Variants in CRACR2A observed in about 807,000 individuals in gnomAD.
CRACR2A encodes EF-hand calcium-binding domain-containing protein 4B.
A neutral mutation model predicts 90.5 loss-of-function variants in CRACR2A; 79 were observed. That is an observed-to-expected ratio of 0.87 (90% confidence interval 0.73 to 1.05). The LOEUF (loss-of-function observed/expected upper bound fraction) is 1.05. Ranked by LOEUF, CRACR2A falls within the 50% of genes least tolerant of loss-of-function variation. CRACR2A has a pLI of 0.00. For missense variants in CRACR2A, 823 were observed against 897.2 expected (o/e 0.92, Z 1.06); for synonymous variants, 338 against 356.7 (o/e 0.95, Z 0.59).
chr12:3,619,391 T>C lies in CRACR2A; in HGVS notation c.1933-19A>G, dbSNP rs1413061942. On this transcript the variant is annotated intron_variant, in intron 17 of 19. Coordinates refer to ENST00000440314, the MANE Select transcript of CRACR2A (RefSeq NM_001144958.2). Reference sequence around the variant, plus strand: ...CAGCTTCCTGCAGAACAGAAAATGTTTTCAACTGAGAGGGGTGTCATAGGA... The same window carrying C: ...CAGCTTCCTGCAGAACAGAAAATGTCTTCAACTGAGAGGGGTGTCATAGGA... 1.3e-6 allele frequency: 2 copies of C among 1,545,748 alleles called. No homozygotes were observed. The highest frequency in any genetic ancestry group is 2.0e-5 in the Admixed American group (1 of 50,978).
chr12:3,732,304 AT>A (rs1946372165), intron 2 of CRACR2A: 1 of 152,210 alleles, frequency 6.6e-6, no homozygotes, highest in African/African-American at 2.4e-5. Context: ...TGACAATCTG[AT>A]TGAAGATTCA....
chr12:3,617,124 C>A (rs1055349514), intron 18 of CRACR2A, 94 bp from the exon 19 acceptor site: 10 of 875,142 alleles, frequency 1.1e-5, no homozygotes, highest in Non-Finnish European at 1.7e-5. Context: ...CTACCTACAG[C>A]CTTCACTTCC....
chr12:3,642,340 C>T (rs1012455991), intron 12 of CRACR2A, among the ~76,000 whole-genome samples: 5 of 152,088 alleles, frequency 3.3e-5, no homozygotes, highest in African/African-American at 1.2e-4. Context: ...CCTCAGCCTC[C>T]TGGGTAGCTA....
At chr12:3,683,735 T>A (rs1005727953) in intron 4 of CRACR2A, among the ~76,000 whole-genome samples, 1 of 152,256 alleles carries the variant, frequency 6.6e-6, no homozygotes, top group Non-Finnish European at 1.5e-5. Context: ...CGTTAGGCAC[T>A]GTTGTGTCCC....
intron 19 of CRACR2A, among the ~76,000 whole-genome samples, chr12:3,616,015 T>C (rs1254727277): frequency 3.3e-5 from 5 of 152,230 alleles, no homozygotes; most frequent in African/African-American, 1.2e-4. Context: ...TTCCAAACGC[T>C]TTTGCGTTAC....
intron 4 of CRACR2A, among the ~76,000 whole-genome samples, chr12:3,680,672 T>C (rs535893664): frequency 6.6e-6 from 1 of 152,384 alleles, no homozygotes; most frequent in East Asian, 1.9e-4. Flanking sequence ...CTATTATCTC[T>C]GTTTTACAGA....
chr12:3,714,857 T>A (rs1302054408), intron 2 of CRACR2A, among the ~76,000 whole-genome samples: 1 of 152,182 alleles, frequency 6.6e-6, no homozygotes, highest in African/African-American at 2.4e-5. Context: ...CAAAAACATC[T>A]CCTTCAACCC....
chr12:3,693,785 C>A (rs1945692662), intron 4 of CRACR2A, among the ~76,000 whole-genome samples: 3 of 152,100 alleles, frequency 2.0e-5, no homozygotes, highest in South Asian at 2.1e-4. Context: ...TATTATGTGT[C>A]TTGAGGATGA....
At chr12:3,741,307 C>T (rs2005844) in intron 1 of CRACR2A, among the ~76,000 whole-genome samples, 41,557 of 151,992 alleles carry the variant, frequency 0.27, 6,474 homozygotes, top group Middle Eastern at 0.43. Context: ...TATGGGGCAC[C>T]GGCTGAGCCT....
At chr12:3,738,749 C>T (rs911079791) in intron 1 of CRACR2A, among the ~76,000 whole-genome samples, 1 of 152,056 alleles carries the variant, frequency 6.6e-6, no homozygotes, top group Admixed American at 6.5e-5. Context: ...GATACCAAGA[C>T]ACATATTCAA....
chr12:3,662,593 G>A (rs1284308971), intron 7 of CRACR2A, among the ~76,000 whole-genome samples: 1 of 152,226 alleles, frequency 6.6e-6, no homozygotes, highest in Non-Finnish European at 1.5e-5. Flanking sequence ...CTCCCCAGGG[G>A]GAAGAGAGTC....
Position 3,711,022 on chromosome 12 carries a change from C to T in CRACR2A, c.-37+2215G>A, listed in dbSNP as rs1175591232. ...GTCCTTCTCACATGCAAAATACACTCGTTCCATTCCAACAGCCTCAAAAGT... is the reference window on the plus strand; with the variant it reads ...GTCCTTCTCACATGCAAAATACACTTGTTCCATTCCAACAGCCTCAAAAGT... On this transcript the variant is annotated intron_variant, in intron 3 of 19. Coordinates refer to ENST00000440314, the MANE Select transcript of CRACR2A (RefSeq NM_001144958.2). The surrounding 1 kb of genome is among the most constrained non-coding windows in gnomAD (Gnocchi z 4.3). Among the ~76,000 whole-genome samples the T allele has an allele frequency of 6.6e-6, 1 of 152,290 alleles. No individual in the cohort carries two copies. Among genetic ancestry groups the T allele is most frequent in the South Asian group, 2.1e-4 (1 of 4,832 alleles).
chr12:3,713,131 A>T (rs573248121), intron 3 of CRACR2A, 106 bp downstream of exon 3: 13 of 398,688 alleles, frequency 3.3e-5, no homozygotes, highest in African/African-American at 2.4e-4. Context: ...CATGAATATT[A>T]AAAAACAGCT....
chr12:3,674,365 A>G (rs943009682), intron 6 of CRACR2A, among the ~76,000 whole-genome samples: 4 of 152,194 alleles, frequency 2.6e-5, no homozygotes, highest in Non-Finnish European at 5.9e-5. Flanking sequence ...GCACGTGTGT[A>G]CACAGCTCAG....
chr12:3,666,797 A>G (rs986348937), intron 7 of CRACR2A, among the ~76,000 whole-genome samples: 1 of 152,202 alleles, frequency 6.6e-6, no homozygotes, highest in African/African-American at 2.4e-5. Flanking sequence ...TTTTAAATAA[A>G]ATCTGTTGGG....
chr12:3,746,720 G>A lies in CRACR2A; in HGVS notation c.-387+6295C>T, dbSNP rs1946633267. 6.6e-6 allele frequency among the ~76,000 whole-genome samples: 1 copy of A among 152,214 alleles called. No individual in the cohort carries two copies. The highest frequency in any genetic ancestry group is 6.5e-5 in the Admixed American group (1 of 15,292). On this transcript the variant is annotated intron_variant, in intron 1 of 19. Transcript: ENST00000440314. This position sits in a 1 kb window ranked among gnomAD's most constrained non-coding sequence, Gnocchi z 4.4. ...TGCTGGCACAGCAGGGACTTAGCAT[G>A]CATGGAAGCTAATTAGGTGAGAGAC...
chr12:3,713,215 C>T (rs1002772065), intron 3 of CRACR2A, 22 bp downstream of exon 3: 26 of 983,664 alleles, frequency 2.6e-5, no homozygotes, highest in African/African-American at 3.5e-5. Flanking sequence ...TGCAACCTGT[C>T]GCCTTTTGTT....
intron 1 of CRACR2A, among the ~76,000 whole-genome samples, chr12:3,751,984 G>A (rs1369511139): frequency 6.6e-6 from 1 of 152,166 alleles, no homozygotes; most frequent in East Asian, 1.9e-4. Flanking sequence ...TCCACGTGGA[G>A]CAAACTGCTC....
intron 7 of CRACR2A, among the ~76,000 whole-genome samples, chr12:3,671,485 G>GTTACACACTA (rs1945241420): frequency 6.6e-6 from 1 of 152,104 alleles, no homozygotes; most frequent in Non-Finnish European, 1.5e-5. Flanking sequence ...TCCTGATTCC[G>GTTACACACTA]AGCCTCCCAC....
Sources: allele counts gnomAD v4.1 joint callset (sites outside exome capture counted in the v4.1 genomes callset), GRCh38; gene constraint gnomAD v4.1.1; non-coding constraint Gnocchi (gnomAD v3.1); transcripts MANE v1.5; gene names NCBI Gene and HGNC (gene_info 2026-07-23, HGNC 2026-07-21).